RALGPS1: variants seen among roughly 807,000 people sequenced by gnomAD.
RALGPS1 encodes the protein Ral GEF with PH domain and SH3 binding motif 1, also known as ras-specific guanine nucleotide-releasing factor RalGPS1.
RALGPS1 carries 19 observed loss-of-function variants against 78.8 expected under a neutral mutation model. The observed-to-expected ratio is 0.24, with a 90% CI of 0.17 to 0.35. The LOEUF is 0.35. Among genes scored for constraint, RALGPS1 ranks in the 10% least tolerant of loss-of-function variants. The probability of loss-of-function intolerance (pLI) is 1.00; values close to 1 mark genes in which losing one functional copy is unlikely to be tolerated. For missense variants in RALGPS1, 454 were observed against 688.3 expected, an observed-to-expected ratio of 0.66 and a Z score of 3.81; for synonymous variants, 228 against 256.3, an observed-to-expected ratio of 0.89 and a Z score of 1.06.
intron 11 of RALGPS1, among the ~76,000 whole-genome samples, chr9:127,175,202 G>A (rs1250270985): frequency 6.6e-6 from 1 of 152,224 alleles, no homozygotes; most frequent in Non-Finnish European, 1.5e-5. Flanking sequence ...AGATGCAGGT[G>A]GCTCATCAGA....
intron 8 of RALGPS1, among the ~76,000 whole-genome samples, chr9:127,129,379 G>A (rs532632972): frequency 6.6e-6 from 1 of 152,264 alleles, no homozygotes; most frequent in South Asian, 2.1e-4. Flanking sequence ...AACATTGTCT[G>A]TGCCAGACAG....
chr9:127,203,985 C>G (rs557961840), intron 14 of RALGPS1, among the ~76,000 whole-genome samples: 1 of 152,126 alleles, frequency 6.6e-6, no homozygotes, highest in Non-Finnish European at 1.5e-5. Context: ...CTCCGTTGAC[C>G]TCCACAGTGA....
At chr9:127,063,000 T>G (rs913427645) in intron 7 of RALGPS1, among the ~76,000 whole-genome samples, 3 of 152,202 alleles carry the variant, frequency 2.0e-5, no homozygotes, top group Non-Finnish European at 4.4e-5. Context: ...TCTTTGCATA[T>G]CAACAGTAGA....
chr9:127,189,888 G>A (rs994142213), intron 11 of RALGPS1, among the ~76,000 whole-genome samples: 4 of 152,214 alleles, frequency 2.6e-5, no homozygotes, highest in South Asian at 2.1e-4. Context: ...AAGGGTGGAG[G>A]ACAAATCTGG....
At position 127,132,330 on chromosome 9, in the gene RALGPS1, G is replaced by A. The variant is rs376580466; in HGVS notation, c.611-33739G>A. On this transcript the variant is annotated intron_variant, in intron 8 of 18. Transcript: ENST00000259351. ...CCTGATACAGAAAAGGAAATAAAGG[G>A]TACGTTAAAAAAAGGTTCCTATAAA... is the stretch of plus-strand genomic sequence containing the variant. Among the ~76,000 whole-genome samples the A allele has an allele frequency of 5.3e-5, 8 of 152,280 alleles. No individual in the cohort carries two copies. The East Asian group carries it at 1.5e-3, about 29-fold the overall frequency.
chr9:127,034,572 A>G, intron 5 of RALGPS1, 58 bp downstream of exon 5: 1 of 1,493,388 alleles, frequency 6.7e-7, no homozygotes, highest in South Asian at 1.1e-5. Context: ...TGTCCCCTGT[A>G]GGCTGCGAGC....
chr9:127,045,096 T>G (rs1209031485), intron 5 of RALGPS1, among the ~76,000 whole-genome samples: 2 of 152,326 alleles, frequency 1.3e-5, no homozygotes, highest in Non-Finnish European at 2.9e-5. Context: ...TTTATTTTTT[T>G]AAGGCAGTGA....
In RALGPS1 at chr9:126,983,339, C is replaced by A. The variant is rs536184694; in HGVS notation, c.216+5594C>A. The stretch of plus-strand genomic sequence containing the variant: ...GAGTGGTAAAATGAACCTTTGTATA[C>A]CTGTTACCTAGATCCAACAATTGCC... On this transcript the variant is annotated intron_variant, in intron 4 of 18. Coordinates refer to ENST00000259351, the MANE Select transcript of RALGPS1 (RefSeq NM_014636.3). Among the ~76,000 whole-genome samples, 25 of 152,190 alleles carry A rather than the reference C, an allele frequency of 1.6e-4. 1 individual carries two copies. The East Asian group carries it at 4.8e-3, about 29-fold the overall frequency.
At chr9:127,208,493 C>T (rs1286990957) in intron 14 of RALGPS1, among the ~76,000 whole-genome samples, 2 of 152,184 alleles carry the variant, frequency 1.3e-5, no homozygotes, top group African/African-American at 4.8e-5. Flanking sequence ...TTACAAGGCT[C>T]ATGCCTTGGT....
intron 8 of RALGPS1, among the ~76,000 whole-genome samples, chr9:127,159,033 GA>G (rs1365207713): frequency 1.3e-5 from 2 of 151,978 alleles, no homozygotes; most frequent in Admixed American, 6.6e-5. Context: ...GTGTTAGGCA[GA>G]AAAAAGTGTC....
At chr9:127,155,672 G>C (rs1377960955) in intron 8 of RALGPS1, among the ~76,000 whole-genome samples, 1 of 152,174 alleles carries the variant, frequency 6.6e-6, no homozygotes, top group African/African-American at 2.4e-5. Flanking sequence ...AGATCACAGG[G>C]TATAGACTGG....
intron 14 of RALGPS1, among the ~76,000 whole-genome samples, chr9:127,210,347 G>T (rs1366880899): frequency 1.3e-5 from 2 of 152,268 alleles, no homozygotes; most frequent in African/African-American, 2.4e-5. Flanking sequence ...GACTATCTGG[G>T]CTGTACAGTG....
intron 8 of RALGPS1, among the ~76,000 whole-genome samples, chr9:127,121,103 C>T (rs558996854): frequency 1.6e-4 from 25 of 152,290 alleles, no homozygotes; most frequent in Admixed American, 1.4e-3. Context: ...ACCTCAGTTT[C>T]CTCACCTATA....
At chr9:126,922,146 G>A (rs1454499465) in intron 1 of RALGPS1, among the ~76,000 whole-genome samples, 2 of 152,168 alleles carry the variant, frequency 1.3e-5, no homozygotes, top group Non-Finnish European at 2.9e-5. Flanking sequence ...GGAACTGGGG[G>A]CTGCTTCTCA....
intron 6 of RALGPS1, 72 bp downstream of exon 6, chr9:127,050,204 C>A: frequency 7.9e-7 from 1 of 1,265,758 alleles, no homozygotes; most frequent in African/African-American, 1.5e-5. Context: ...AAATATGTTT[C>A]CTCAGTACTT....
At chr9:127,050,646 C>A (rs1420358282) in intron 6 of RALGPS1, among the ~76,000 whole-genome samples, 2 of 152,122 alleles carry the variant, frequency 1.3e-5, no homozygotes, top group African/African-American at 4.8e-5. Flanking sequence ...CTGCCCCCGG[C>A]CTGATAGGTT....
chr9:126,970,140 C>T (rs1022171587), intron 3 of RALGPS1, among the ~76,000 whole-genome samples: 8 of 152,084 alleles, frequency 5.3e-5, no homozygotes, highest in African/African-American at 9.7e-5. Flanking sequence ...ATTCCCCCAC[C>T]GCCCCACTGT....
intron 2 of RALGPS1, among the ~76,000 whole-genome samples, chr9:126,963,337 G>A (rs935183708): frequency 2.6e-5 from 4 of 152,046 alleles, no homozygotes; most frequent in Non-Finnish European, 5.9e-5. Context: ...GTCTGTATGT[G>A]TATATATGTA....
chr9:127,129,459 C>A (rs1462003248), intron 8 of RALGPS1, among the ~76,000 whole-genome samples: 1 of 152,142 alleles, frequency 6.6e-6, no homozygotes, highest in African/African-American at 2.4e-5. Flanking sequence ...GATTCCAACC[C>A]CCTTACACAG....
Sources: gnomAD v4.1 joint callset for allele counts (sites outside exome capture counted in the v4.1 genomes callset) on GRCh38, gnomAD v4.1.1 for gene constraint, MANE v1.5 for transcripts, NCBI Gene and HGNC (gene_info 2026-07-23, HGNC 2026-07-21) for gene names.